The following FAM83B variants were observed in gnomAD, a reference collection of about 807,000 sequenced individuals.
FAM83B encodes the protein protein FAM83B.
Under a neutral mutation model 38.8 loss-of-function variants are expected in FAM83B, and 26 were observed. The ratio of observed to expected loss-of-function variants is 0.67; its 90% confidence interval spans 0.49 to 0.93. The LOEUF (loss-of-function observed/expected upper bound fraction) is 0.93, where lower values mean the gene tolerates loss of function less well. Among genes scored for constraint, FAM83B ranks in the 40% least tolerant of loss-of-function variants. The pLI, the probability that FAM83B is intolerant of heterozygous loss-of-function variation, is 0.00. For missense variants in FAM83B, 1,237 were observed against 1,197.3 expected, an observed-to-expected ratio of 1.03 and a Z score of -0.49; for synonymous variants, 419 against 423.1, an observed-to-expected ratio of 0.99 and a Z score of 0.12.
intron 1 of FAM83B, among the ~76,000 whole-genome samples, chr6:54,868,196 G>A (rs1771763957): frequency 6.6e-6 from 1 of 152,118 alleles, no homozygotes. Flanking sequence ...ACTTTATGAA[G>A]ATTTGTCAAC....
chr6:54,896,134 C>T (rs185020160), intron 2 of FAM83B, among the ~76,000 whole-genome samples: 22 of 152,072 alleles, frequency 1.4e-4, no homozygotes, highest in Non-Finnish European at 2.9e-4. Context: ...TCGTGATCCC[C>T]CCTGCTTGGC....
At chr6:54,884,308 A>AG (rs1772214091) in intron 2 of FAM83B, among the ~76,000 whole-genome samples, 1 of 149,760 alleles carries the variant, frequency 6.7e-6, no homozygotes, top group African/African-American at 2.5e-5. Flanking sequence ...CTAAAAAAAA[A>AG]AAAAAAAAAA....
At chr6:54,903,386 T>G (rs912342764) in intron 2 of FAM83B, among the ~76,000 whole-genome samples, 1 of 152,216 alleles carries the variant, frequency 6.6e-6, no homozygotes, top group African/African-American at 2.4e-5. Flanking sequence ...ATTGCCAGAT[T>G]GCCATTTAGG....
intron 4 of FAM83B, among the ~76,000 whole-genome samples, chr6:54,936,839 A>AT (rs1273222983): frequency 1.3e-5 from 2 of 150,702 alleles, no homozygotes; most frequent in African/African-American, 2.4e-5. Context: ...TGTTTCTAAT[A>AT]TTTTGAATTC....
At chr6:54,897,768 G>T (rs1772572636) in intron 2 of FAM83B, among the ~76,000 whole-genome samples, 1 of 152,150 alleles carries the variant, frequency 6.6e-6, no homozygotes, top group African/African-American at 2.4e-5. Context: ...CATCAGTAAT[G>T]CTTTTGGCAA....
intron 2 of FAM83B, among the ~76,000 whole-genome samples, chr6:54,898,917 T>G (rs1195902830): frequency 1.3e-5 from 2 of 152,168 alleles, no homozygotes; most frequent in Admixed American, 6.6e-5. Context: ...AGGTTTGAAG[T>G]GTCTTTTCTA....
chr6:54,862,896 A>G (rs1771619930), intron 1 of FAM83B, among the ~76,000 whole-genome samples: 1 of 152,072 alleles, frequency 6.6e-6, no homozygotes, highest in African/African-American at 2.4e-5. Context: ...CCACGAAAAA[A>G]AAAATCCACC....
chr6:54,934,082 A>G (rs1256692685), intron 4 of FAM83B, among the ~76,000 whole-genome samples: 2 of 152,080 alleles, frequency 1.3e-5, no homozygotes, highest in Non-Finnish European at 2.9e-5. Flanking sequence ...CTTCTGTTTC[A>G]CATATTGTTG....
At chr6:54,854,005 A>C (rs2127571681) in intron 1 of FAM83B, among the ~76,000 whole-genome samples, 1 of 152,334 alleles carries the variant, frequency 6.6e-6, no homozygotes, top group East Asian at 1.9e-4. Flanking sequence ...TGTCTTAGAA[A>C]GGTTCAAGAC....
intron 2 of FAM83B, among the ~76,000 whole-genome samples, chr6:54,886,811 A>G (rs962094856): frequency 1.3e-5 from 2 of 151,346 alleles, no homozygotes; most frequent in African/African-American, 2.4e-5. Flanking sequence ...ATTAATTTTC[A>G]GTGTTTTAGT....
intron 1 of FAM83B, among the ~76,000 whole-genome samples, chr6:54,868,486 A>G (rs996925959): frequency 3.9e-5 from 6 of 152,198 alleles, no homozygotes; most frequent in African/African-American, 1.4e-4. Context: ...ATGTATCCCA[A>G]TACATGTCAA....
intron 2 of FAM83B, among the ~76,000 whole-genome samples, chr6:54,871,745 C>CAAAAAAAA (rs34323872): frequency 6.9e-5 from 2 of 29,030 alleles, no homozygotes; most frequent in African/African-American, 1.4e-4. Flanking sequence ...CCTGTCTCAC[C>CAAAAAAAA]AAAAAAAAAA....
intron 2 of FAM83B, among the ~76,000 whole-genome samples, chr6:54,873,448 A>G (rs9370333): frequency 0.29 from 44,394 of 151,982 alleles, 8,360 homozygotes; most frequent in East Asian, 0.82. Flanking sequence ...ACCAGAACAC[A>G]TTGCTTTTTA....
intron 1 of FAM83B, among the ~76,000 whole-genome samples, chr6:54,858,054 G>A (rs906362841): frequency 3.3e-5 from 5 of 152,202 alleles, no homozygotes; most frequent in Non-Finnish European, 5.9e-5. Context: ...AGGGAGCAGT[G>A]AAGTCTGGAT....
At chr6:54,874,196 T>A (rs1771933217) in intron 2 of FAM83B, among the ~76,000 whole-genome samples, 1 of 152,098 alleles carries the variant, frequency 6.6e-6, no homozygotes, top group African/African-American at 2.4e-5. Context: ...AAATCTATAC[T>A]TTTTTACTTA....
At chr6:54,851,129 TAC>T (rs767156198) in intron 1 of FAM83B, among the ~76,000 whole-genome samples, 77 of 152,254 alleles carry the variant, frequency 5.1e-4, no homozygotes, top group Middle Eastern at 6.8e-3. Context: ...AGTAACTGTT[TAC>T]AGTGTTCCCC....
intron 2 of FAM83B, among the ~76,000 whole-genome samples, chr6:54,903,438 A>G (rs1049030243): frequency 1.3e-5 from 2 of 152,156 alleles, no homozygotes; most frequent in Non-Finnish European, 2.9e-5. Flanking sequence ...CTTCATGTGA[A>G]TATTTCTGAC....
intron 2 of FAM83B, among the ~76,000 whole-genome samples, chr6:54,889,490 A>G (rs1772353840): frequency 6.6e-6 from 1 of 152,044 alleles, no homozygotes; most frequent in African/African-American, 2.4e-5. Context: ...TTCCTGTACC[A>G]ATGCGGGATA....
intron 2 of FAM83B, among the ~76,000 whole-genome samples, chr6:54,922,021 T>C (rs1197517586): frequency 6.6e-6 from 1 of 152,104 alleles, no homozygotes; most frequent in African/African-American, 2.4e-5. Flanking sequence ...CCTGGCTTGG[T>C]TGACATCAGA....
Sources: gnomAD v4.1 joint callset for allele counts (sites outside exome capture counted in the v4.1 genomes callset) on GRCh38, gnomAD v4.1.1 for gene constraint, MANE v1.5 for transcripts, NCBI Gene and HGNC (gene_info 2026-07-23, HGNC 2026-07-21) for gene names.